The following RPP14 variants were observed in gnomAD, a reference collection of about 807,000 sequenced individuals.
The protein encoded by RPP14 is ribonuclease P protein subunit p14.
In RPP14, 19 loss-of-function variants were observed where a neutral mutation model predicts 17.8. The observed-to-expected ratio is 1.07, with a 90% CI of 0.74 to 1.57. The LOEUF is 1.57. Ranked by LOEUF, RPP14 falls within the 40% of genes most tolerant of loss-of-function variation. RPP14 has a pLI of 0.00. For missense variants in RPP14, 125 were observed against 140.8 expected (o/e 0.89, Z 0.57); for synonymous variants, 60 against 56.4 (o/e 1.06, Z -0.29).
Position 58,310,294 on chromosome 3 carries a change from C to G in RPP14, c.-21-15C>G. The G allele has an allele frequency of 6.3e-7, 1 of 1,590,512 alleles. No individual in the cohort carries two copies. The highest frequency in any genetic ancestry group is 8.6e-7 in the Non-Finnish European group (1 of 1,158,974). On this transcript the variant is annotated splice_polypyrimidine_tract_variant and intron_variant, in intron 1 of 5. Transcript: ENST00000295959. Reference sequence around the variant, plus strand: ...ATGTGCATTGGTCATTTCTAGCCCTCTTGACTTACTGTAGGTGTGATCAGC... The same window carrying G: ...ATGTGCATTGGTCATTTCTAGCCCTGTTGACTTACTGTAGGTGTGATCAGC...
chr3:58,311,947 A>T (rs2107503045), intron 3 of RPP14, among the ~76,000 whole-genome samples: 1 of 152,000 alleles, frequency 6.6e-6, no homozygotes, highest in African/African-American at 2.4e-5. Context: ...GTCATGGCTC[A>T]CTACAGCCTC....
At chr3:58,309,091 C>T (rs917175779) in intron 1 of RPP14, among the ~76,000 whole-genome samples, 5 of 152,326 alleles carry the variant, frequency 3.3e-5, no homozygotes, top group Admixed American at 1.3e-4. Flanking sequence ...ACAGACCTGG[C>T]TTTTGGACTG....
intron 1 of RPP14, 130 bp from the exon 2 acceptor site, chr3:58,310,179 C>G (rs2097480575): frequency 6.1e-6 from 4 of 657,202 alleles, no homozygotes; most frequent in Non-Finnish European, 8.0e-6. Context: ...TGCACTTCAG[C>G]CTAGGTGACA....
At chr3:58,311,695 G>C (rs2097482416) in intron 3 of RPP14, among the ~76,000 whole-genome samples, 1 of 147,014 alleles carries the variant, frequency 6.8e-6, no homozygotes, top group Admixed American at 6.8e-5. Context: ...ATAAATATGA[G>C]AGTGCATATG....
At chr3:58,308,318 C>T (rs767197071) in intron 1 of RPP14, among the ~76,000 whole-genome samples, 1 of 152,158 alleles carries the variant, frequency 6.6e-6, no homozygotes, top group Non-Finnish European at 1.5e-5. Context: ...GGGTCATGCT[C>T]TGTCACCCAG....
At chr3:58,313,141 C>T (rs1575545782) in intron 3 of RPP14, among the ~76,000 whole-genome samples, 1 of 151,700 alleles carries the variant, frequency 6.6e-6, no homozygotes, top group East Asian at 1.9e-4. Context: ...CACCTGTAGT[C>T]CCAGCTACTC....
At chr3:58,310,902 C>G (rs898574112) in intron 3 of RPP14, among the ~76,000 whole-genome samples, 2 of 149,404 alleles carry the variant, frequency 1.3e-5, no homozygotes, top group Non-Finnish European at 3.0e-5. Flanking sequence ...TGCACTCCAG[C>G]CTGGCAACAG....
At chr3:58,312,979 A>AT (rs1233882411) in intron 3 of RPP14, among the ~76,000 whole-genome samples, 1 of 140,728 alleles carries the variant, frequency 7.1e-6, no homozygotes, top group East Asian at 2.2e-4. Context: ...AAAAAAAAAA[A>AT]AGGGCTGGGC....
Position 58,319,886 on chromosome 3 carries a change from C to T in RPP14, c.*2390C>T, listed in dbSNP as rs573172696. The T allele has an allele frequency of 6.6e-6, 1 of 152,120 alleles. No homozygotes were observed. The highest frequency in any genetic ancestry group is 2.4e-5 in the African/African-American group (1 of 41,508). 9.4% of individuals were successfully genotyped at this position (152,120 alleles called of 1,614,324 possible). On this transcript the variant is annotated 3_prime_UTR_variant, in exon 6 of 6. Coordinates refer to ENST00000295959, the MANE Select transcript of RPP14 (RefSeq NM_007042.6). ...TAAAAGTGTACAGTTTAGTGGTTTT[C>T]AGAATATCCACAAAGTTGTACAACC... is the stretch of plus-strand genomic sequence containing the variant.
In RPP14 at chr3:58,320,111, T is replaced by G. The variant is rs2097492961; in HGVS notation, c.*2615T>G. On this transcript the variant is annotated 3_prime_UTR_variant, in exon 6 of 6. Transcript: ENST00000295959. ...ACTGGCTTCTTTGATATAGCATGTT[T>G]TCAGGGTTCATCCATGTTACAGCAT... 1 of 152,124 alleles carries G rather than the reference T, an allele frequency of 6.6e-6. No individual in the cohort carries two copies. Among genetic ancestry groups the G allele is most frequent in the Admixed American group, 6.6e-5 (1 of 15,262 alleles). 9.4% of individuals were successfully genotyped at this position (152,124 alleles called of 1,614,324 possible).
At chr3:58,309,402 A>C (rs1273041410) in intron 1 of RPP14, among the ~76,000 whole-genome samples, 1 of 152,242 alleles carries the variant, frequency 6.6e-6, no homozygotes, top group African/African-American at 2.4e-5. Context: ...TTTTGAAGAC[A>C]AGCTAAGGCA....
chr3:58,311,484 T>C (rs1251981285), intron 3 of RPP14, among the ~76,000 whole-genome samples: 1 of 152,138 alleles, frequency 6.6e-6, no homozygotes, highest in Non-Finnish European at 1.5e-5. Flanking sequence ...CACATATGAG[T>C]GAGAACATGC....
intron 1 of RPP14, among the ~76,000 whole-genome samples, chr3:58,308,368 T>TA (rs1320076944): frequency 6.6e-6 from 1 of 152,070 alleles, no homozygotes; most frequent in Non-Finnish European, 1.5e-5. Context: ...ACTGTATCCT[T>TA]AACCTCCCAG....
intron 2 of RPP14, 48 bp from the exon 3 acceptor site, chr3:58,310,459 G>C (rs1298102491): frequency 6.3e-7 from 1 of 1,594,320 alleles, no homozygotes; most frequent in Non-Finnish European, 8.6e-7. Flanking sequence ...ACATGAATCT[G>C]AATAGAATGA....
rs759969360 is a variant in RPP14, at chr3:58,310,480, GA to G, written c.78-26del. On this transcript the variant is annotated intron_variant, in intron 2 of 5. Coordinates refer to ENST00000295959, the MANE Select transcript of RPP14 (RefSeq NM_007042.6). ...ATCTGAATAGAATGAAATTTAATAT[GA>G]CTTTTTTTTTTTTCACTTTTTTTAG... 1.1e-5 allele frequency: 17 copies of G among 1,515,616 alleles called. 1 individual carries two copies. Among genetic ancestry groups the G allele is most frequent in the South Asian group, 7.2e-5 (6 of 83,162 alleles). The allele number at this position is 1,515,616 out of a possible 1,614,324, so 93.9% of individuals were successfully genotyped here.
At position 58,306,430 on chromosome 3, in the gene RPP14, C is replaced by T. The variant is rs954836774; in HGVS notation, c.-22+13C>T. 3 of 152,438 alleles carry T rather than the reference C, an allele frequency of 2.0e-5. No homozygotes were observed. Among genetic ancestry groups the T allele is most frequent in the Non-Finnish European group, 4.4e-5 (3 of 68,080 alleles). 9.4% of individuals were successfully genotyped at this position (152,438 alleles called of 1,614,324 possible). A position where few individuals can be genotyped will look rare whatever the true frequency, so the allele number is the denominator to read the frequency against. On this transcript the variant is annotated intron_variant, in intron 1 of 5. Transcript: ENST00000295959. ...CGACGAAGAGTGGGTAGGTGGAAGCCTTCCAAAGAGCGGCGGTTGTCTGGG... is the reference window on the plus strand; with the variant it reads ...CGACGAAGAGTGGGTAGGTGGAAGCTTTCCAAAGAGCGGCGGTTGTCTGGG...
At chr3:58,310,064 G>T (rs2097480422) in intron 1 of RPP14, 1 of 427,520 alleles carries the variant, frequency 2.3e-6, no homozygotes, top group East Asian at 3.9e-5. Context: ...GCTGGATGTG[G>T]TGGCACGTGC....
At chr3:58,310,134 G>C in intron 1 of RPP14, 175 bp from the exon 2 acceptor site, 1 of 577,820 alleles carries the variant, frequency 1.7e-6, no homozygotes, top group East Asian at 2.9e-5. Flanking sequence ...TCGAGAGCCA[G>C]AGGTGGAGGC....
chr3:58,311,988 T>C (rs759144389), intron 3 of RPP14, among the ~76,000 whole-genome samples: 1 of 152,034 alleles, frequency 6.6e-6, no homozygotes, highest in African/African-American at 2.4e-5. Context: ...TTCTCCCACC[T>C]CAGTATCCCG....
Sources: gnomAD v4.1 joint callset for allele counts (sites outside exome capture counted in the v4.1 genomes callset) on GRCh38, gnomAD v4.1.1 for gene constraint, MANE v1.5 for transcripts, NCBI Gene and HGNC (gene_info 2026-07-23, HGNC 2026-07-21) for gene names.